PDZRN4: variants seen among roughly 807,000 people sequenced by gnomAD.
PDZRN4 encodes PDZ domain-containing RING finger protein 4.
In PDZRN4, 70 loss-of-function variants were observed where a neutral mutation model predicts 99.0. The ratio of observed to expected loss-of-function variants is 0.71; its 90% CI spans 0.58 to 0.86. The LOEUF (loss-of-function observed/expected upper bound fraction) is 0.86. Ranked by LOEUF, PDZRN4 falls within the 40% of genes least tolerant of loss-of-function variation. The pLI, the probability that PDZRN4 is intolerant of heterozygous loss-of-function variation, is 0.00. For synonymous variants in PDZRN4, 551 were observed against 501.6 expected, an observed-to-expected ratio of 1.10 and a Z score of -1.32; for missense variants, 1,474 against 1,331.2, an observed-to-expected ratio of 1.11 and a Z score of -1.67.
At chr12:41,311,479 C>T (rs1164418522) in intron 3 of PDZRN4, among the ~76,000 whole-genome samples, 1 of 152,000 alleles carries the variant, frequency 6.6e-6, no homozygotes, top group East Asian at 1.9e-4. Flanking sequence ...TTTAAAGGTC[C>T]ACAAAGTGAT....
intron 3 of PDZRN4, among the ~76,000 whole-genome samples, chr12:41,391,919 C>G (rs1426660871): frequency 6.6e-6 from 1 of 152,000 alleles, no homozygotes; most frequent in African/African-American, 2.4e-5. Flanking sequence ...TGTTTCAAAT[C>G]CTATTAAATC....
At chr12:41,555,813 A>G (rs374501034) in intron 7 of PDZRN4, 53 bp downstream of exon 7, 1 of 1,371,754 alleles carries the variant, frequency 7.3e-7, no homozygotes, top group East Asian at 2.3e-5. Flanking sequence ...CAAAGTTACT[A>G]TTTTACTTTG....
chr12:41,208,235 G>A (rs901737528), intron 3 of PDZRN4, among the ~76,000 whole-genome samples: 4 of 151,870 alleles, frequency 2.6e-5, no homozygotes, highest in African/African-American at 9.7e-5. Flanking sequence ...TTAAGTGTAA[G>A]CTTTACAATT....
At chr12:41,553,051 C>A (rs1367840539) in intron 6 of PDZRN4, among the ~76,000 whole-genome samples, 1 of 152,212 alleles carries the variant, frequency 6.6e-6, no homozygotes, top group African/African-American at 2.4e-5. Flanking sequence ...GCAAGTCCAG[C>A]AAAGTTTTTG....
chr12:41,480,355 A>T (rs1937653357), intron 3 of PDZRN4, among the ~76,000 whole-genome samples: 1 of 152,192 alleles, frequency 6.6e-6, no homozygotes, highest in South Asian at 2.1e-4. Context: ...AATAAAATGT[A>T]TTCCCACCTC....
chr12:41,404,578 C>T (rs892524212), intron 3 of PDZRN4, among the ~76,000 whole-genome samples: 17 of 152,236 alleles, frequency 1.1e-4, no homozygotes, highest in African/African-American at 4.1e-4. Flanking sequence ...AATGGCCATA[C>T]TGCCCAGAGC....
chr12:41,255,013 G>A (rs1313391522), intron 3 of PDZRN4, among the ~76,000 whole-genome samples: 1 of 152,188 alleles, frequency 6.6e-6, no homozygotes, highest in East Asian at 1.9e-4. Context: ...CAAGGACATT[G>A]AGGCTGAGCT....
chr12:41,244,489 G>A (rs1052454079), intron 3 of PDZRN4, among the ~76,000 whole-genome samples: 5 of 151,962 alleles, frequency 3.3e-5, no homozygotes, highest in Non-Finnish European at 7.4e-5. Context: ...TGTTCTACAT[G>A]ATCTGCTCCA....
chr12:41,446,195 C>T lies in PDZRN4; in HGVS notation c.844-60261C>T, dbSNP rs74078858. On this transcript the variant is annotated intron_variant, in intron 3 of 9. Coordinates refer to ENST00000402685, the MANE Select transcript of PDZRN4 (RefSeq NM_001164595.2). ...GTTGTTTAGGTCCTCTGAAGCTTTG[C>T]TTTTCCCCCTCCCTTCTGTTTTATG... Among the ~76,000 whole-genome samples, 598 of 152,074 alleles carry T rather than the reference C, an allele frequency of 3.9e-3. 2 individuals carry two copies. The highest frequency in any genetic ancestry group is 0.014 in the African/African-American group (580 of 41,494).
At chr12:41,276,502 A>AAT (rs1187767929) in intron 3 of PDZRN4, among the ~76,000 whole-genome samples, 1 of 152,130 alleles carries the variant, frequency 6.6e-6, no homozygotes, top group East Asian at 1.9e-4. Flanking sequence ...GAAATATGAA[A>AAT]ATATATATTT....
At chr12:41,473,068 T>A (rs1440792949) in intron 3 of PDZRN4, among the ~76,000 whole-genome samples, 3 of 151,890 alleles carry the variant, frequency 2.0e-5, no homozygotes, top group Non-Finnish European at 4.4e-5. Context: ...CACTTTAGCC[T>A]CTTAAGTTGG....
chr12:41,474,207 T>C (rs1953019419), intron 3 of PDZRN4, among the ~76,000 whole-genome samples: 1 of 152,166 alleles, frequency 6.6e-6, no homozygotes, highest in East Asian at 1.9e-4. Flanking sequence ...ACATACTGAG[T>C]ATGTACTACG....
intron 3 of PDZRN4, among the ~76,000 whole-genome samples, chr12:41,218,345 T>C (rs551003502): frequency 6.6e-6 from 1 of 152,130 alleles, no homozygotes; most frequent in African/African-American, 2.4e-5. Flanking sequence ...GTTAAAGAAA[T>C]ACATCAAGGG....
chr12:41,573,433 C>G lies in PDZRN4; in HGVS notation c.2654C>G (p.Pro885Arg). 6.2e-7 allele frequency: 1 copy of G among 1,613,716 alleles called. No homozygotes were observed. Among genetic ancestry groups the G allele is most frequent in the Non-Finnish European group, 8.5e-7 (1 of 1,179,994 alleles). Residue 885 changes from proline (P) to arginine (R), a missense_variant, in exon 10 of 10, where the codon CCC becomes CGC. By Grantham distance (103) the Pro-to-Arg change is moderately radical. Transcript: ENST00000402685. ...AAGGAGTCTCAGAAGTGTTCAGAGC[C>G]CAAGATGGAATGGAAGGTGAAAATT... The part of the protein sequence containing the change: ...MCKESQKCSE[P>R]KMEWKVKIRS...
At chr12:41,493,923 C>T (rs143301004) in intron 3 of PDZRN4, among the ~76,000 whole-genome samples, 137 of 151,702 alleles carry the variant, frequency 9.0e-4, no homozygotes, top group Middle Eastern at 3.4e-3. Context: ...TTCTCTTTAC[C>T]GAAGTTTTAA....
intron 3 of PDZRN4, among the ~76,000 whole-genome samples, chr12:41,422,386 G>T (rs557545386): frequency 6.6e-6 from 1 of 152,110 alleles, no homozygotes; most frequent in East Asian, 1.9e-4. Flanking sequence ...AATTTGTGTT[G>T]GTTATCATTA....
intron 3 of PDZRN4, among the ~76,000 whole-genome samples, chr12:41,469,367 C>T (rs1952963515): frequency 6.6e-6 from 1 of 152,154 alleles, no homozygotes; most frequent in Non-Finnish European, 1.5e-5. Flanking sequence ...TTGCCAGTAG[C>T]TTACCCTATG....
chr12:41,562,876 T>G (rs1441115611), intron 7 of PDZRN4, among the ~76,000 whole-genome samples: 1 of 152,170 alleles, frequency 6.6e-6, no homozygotes, highest in Non-Finnish European at 1.5e-5. Context: ...TTTTTTAAAT[T>G]TTTAAATTTA....
At chr12:41,198,722 G>A (rs1267775396) in intron 3 of PDZRN4, among the ~76,000 whole-genome samples, 1 of 151,190 alleles carries the variant, frequency 6.6e-6, no homozygotes, top group African/African-American at 2.4e-5. Context: ...TAACTAACCT[G>A]CACATTGTGC....
Sources: gnomAD v4.1 joint callset for allele counts (sites outside exome capture counted in the v4.1 genomes callset) on GRCh38, gnomAD v4.1.1 for gene constraint, MANE v1.5 for transcripts, NCBI Gene and HGNC (gene_info 2026-07-23, HGNC 2026-07-21) for gene names.